Variants in ITFG2 observed in about 807,000 individuals in gnomAD.
The protein encoded by ITFG2 is KICSTOR complex protein ITFG2.
A neutral mutation model predicts 54.4 loss-of-function variants in ITFG2; 36 were observed. The observed-to-expected ratio is 0.66, with a 90% CI of 0.51 to 0.87. The LOEUF is 0.87. Ranked by LOEUF, ITFG2 falls within the 40% of genes least tolerant of loss-of-function variation. The probability of loss-of-function intolerance (pLI) is 0.00; values close to 1 mark genes in which losing one functional copy is unlikely to be tolerated. For synonymous variants in ITFG2, 211 were observed against 225.4 expected (o/e 0.94, Z 0.57); for missense variants, 524 against 576.7 (o/e 0.91, Z 0.94).
chr12:2,844,801 T>A (rs2098049694), intron 2 of ITFG2, among the ~76,000 whole-genome samples: 1 of 152,160 alleles, frequency 6.6e-6, no homozygotes, highest in South Asian at 2.1e-4. Context: ...AGTCACTGAC[T>A]ATTGTTTGGG....
rs1308357156 is a variant in ITFG2 at position 2,818,254 on chromosome 12, A to G, written c.383A>G (p.Lys128Arg). The change falls in exon 4 of 12, where the codon AAG becomes AGG. Residue 128 changes from lysine (K) to arginine (R), a missense_variant. Physicochemically the swap from Lys to Arg is conservative, Grantham distance 26. Coordinates refer to ENST00000228799, the MANE Select transcript of ITFG2 (RefSeq NM_018463.4). ...AAGCAGCACATCCCTGCCAACACCA[A>G]GGTCATGCTGATCAGCGACATCGGT... ...VFKQHIPANT[K>R]VMLISDIDGD... 7 of 1,613,676 alleles carry G rather than the reference A, an allele frequency of 4.3e-6. No homozygotes were observed. Among genetic ancestry groups the G allele is most frequent in the Non-Finnish European group, 5.9e-6 (7 of 1,180,042 alleles).
upstream of ITFG2, among the ~76,000 whole-genome samples, chr12:2,832,593 C>A (rs181515331): frequency 6.6e-6 from 1 of 151,992 alleles, no homozygotes; most frequent in Admixed American, 6.6e-5. Flanking sequence ...TCTTCATGCT[C>A]CTCTCTCCAT....
rs576869072 is a variant in ITFG2, at chr12:2,854,316, C to T, written n.301-3696C>T. On this transcript the variant is annotated intron_variant and non_coding_transcript_variant, in intron 2 of 3. Transcript: ENST00000537710. ...CTGGGATTACAGGCGTGAGCCACCA[C>T]GCCCTGCCATAACATCTAACTTTTG... Among the ~76,000 whole-genome samples the T allele has an allele frequency of 3.0e-4, 45 of 152,346 alleles. No homozygotes were observed. In the East Asian group the frequency reaches 7.0e-3, roughly 24 times the overall value.
At chr12:2,856,926 GTA>G (rs2098089164) in intron 2 of ITFG2, 1 of 702,900 alleles carries the variant, frequency 1.4e-6, no homozygotes, top group South Asian at 1.5e-5. Flanking sequence ...GTACAAAAAG[GTA>G]GGCGGCAGAG....
Position 2,822,988 on chromosome 12 carries a change from T to C in ITFG2, c.1066+77T>C. On this transcript the variant is annotated intron_variant, in intron 10 of 11. Transcript: ENST00000228799. The stretch of plus-strand genomic sequence containing the variant: ...GTGTTAGGCATGCCAGGGAAGTGTT[T>C]GCCCCTCACTTCCCTTTCTGACGTA... 2.8e-6 allele frequency: 3 copies of C among 1,054,814 alleles called. No homozygotes were observed. The Admixed American group carries it at 5.3e-5, about 19-fold the overall frequency. 65.3% of individuals were successfully genotyped at this position (1,054,814 alleles called of 1,614,324 possible).
chr12:2,821,922 T>C, intron 9 of ITFG2, 130 bp downstream of exon 9: 1 of 681,248 alleles, frequency 1.5e-6, no homozygotes, highest in Non-Finnish European at 2.4e-6. Context: ...TGTCTCTTTT[T>C]TTTTTTTCCT....
chr12:2,820,376 CAG>C lies in ITFG2; in HGVS notation c.546+152_546+153del, dbSNP rs2097939357. ...GAGAGATCCAAAGACCATTTCAAATCAGGGGCTTAGGGGAAATTGCTAGTAAC... is the reference window on the plus strand; with the variant it reads ...GAGAGATCCAAAGACCATTTCAAATCGGGCTTAGGGGAAATTGCTAGTAAC... On this transcript the variant is annotated intron_variant, in intron 5 of 11. Transcript: ENST00000228799. 1.3e-5 allele frequency: 13 copies of C among 1,028,392 alleles called. No individual in the cohort carries two copies. In the South Asian group the frequency reaches 2.1e-4, roughly 16 times the overall value. The allele number at this position is 1,028,392 out of a possible 1,614,324, so 63.7% of individuals were successfully genotyped here.
chr12:2,858,475 A>G, intron 3 of ITFG2: 1 of 610,888 alleles, frequency 1.6e-6, no homozygotes, highest in Non-Finnish European at 2.8e-6. Context: ...AGGTCCCAGC[A>G]GTGGCTAGGG....
chr12:2,823,234 T>C (rs1307008693), intron 10 of ITFG2, among the ~76,000 whole-genome samples: 1 of 152,260 alleles, frequency 6.6e-6, no homozygotes, highest in Admixed American at 6.5e-5. Flanking sequence ...AATGAGTTTC[T>C]GTCATCTGTC....
In ITFG2 at chr12:2,858,551, C is replaced by G. The variant is rs1005650594; in HGVS notation, n.620+220C>G. 2.5e-6 allele frequency: 3 copies of G among 1,176,982 alleles called. No individual in the cohort carries two copies. The East Asian group carries it at 7.3e-5, about 28-fold the overall frequency. 72.9% of individuals were successfully genotyped at this position (1,176,982 alleles called of 1,614,324 possible). ...TGAGGAGCAGAACAGTCCCTGCCTG[C>G]TGTCCTCACTCAGAGGCTTGGGGTG... On this transcript the variant is annotated intron_variant and non_coding_transcript_variant, in intron 3 of 3. Coordinates refer to the ITFG2 transcript ENST00000537710.
At chr12:2,853,598 T>G (rs113749705) in intron 2 of ITFG2, among the ~76,000 whole-genome samples, 37 of 148,096 alleles carry the variant, frequency 2.5e-4, no homozygotes, top group East Asian at 2.0e-3. Flanking sequence ...TGTTGTTGTT[T>G]TTGTTTTTGT....
chr12:2,838,511 G>A (rs571456157), intron 1 of ITFG2, among the ~76,000 whole-genome samples: 79 of 152,138 alleles, frequency 5.2e-4, no homozygotes, highest in African/African-American at 1.7e-3. Flanking sequence ...TGGAGACTTT[G>A]GAGTTTGGAG....
upstream of ITFG2, among the ~76,000 whole-genome samples, chr12:2,832,184 T>G (rs1205691195): frequency 6.6e-6 from 1 of 152,140 alleles, no homozygotes; most frequent in African/African-American, 2.4e-5. Flanking sequence ...CAGGTTAAAG[T>G]TTGAGAAGCA....
chr12:2,835,190 T>TGAGAGTGTGA (rs1555088490), upstream of ITFG2: 1 of 713,266 alleles, frequency 1.4e-6, no homozygotes, highest in African/African-American at 2.9e-5. Context: ...TGTGTGTGTG[T>TGAGAGTGTGA]GAGAGAGAGA....
In ITFG2 at chr12:2,824,145, A is replaced by G; in HGVS notation, c.1296A>G (p.Pro432=). 1 of 1,614,144 alleles carries G rather than the reference A, an allele frequency of 6.2e-7. No homozygotes were observed. The highest frequency in any genetic ancestry group is 8.5e-7 in the Non-Finnish European group (1 of 1,180,018). ...RALLHQTLYH[P]DQPPQCAPSS... ...TGCTTCACCAAACGCTCTACCATCC[A>G]GACCAGCCACCACAGTGTGCTCCCT... The change falls in exon 12 of 12, where the codon CCA becomes CCG. Residue 432 remains proline (P), a synonymous_variant. Transcript: ENST00000228799.
At chr12:2,817,458 A>G (rs950397899) in intron 2 of ITFG2, 140 bp downstream of exon 2, 23 of 619,430 alleles carry the variant, frequency 3.7e-5, no homozygotes, top group East Asian at 2.8e-4. Flanking sequence ...CTTGCAGCCA[A>G]TTTGATTCAG....
rs2097911652 is a variant in ITFG2, at chr12:2,812,693, G to A, written c.-68G>A. 6 of 1,390,328 alleles carry A rather than the reference G, an allele frequency of 4.3e-6. No individual in the cohort carries two copies. In the East Asian group the frequency reaches 9.3e-5, roughly 22 times the overall value. 86.1% of individuals were successfully genotyped at this position (1,390,328 alleles called of 1,614,324 possible). A position where few individuals can be genotyped will look rare whatever the true frequency, so the allele number is the denominator to read the frequency against. ...GCCTTAGGTGGCCTTCCGCTCTGGCGGCTGTCGCGACGGGGGTTCAGGGAA... is the reference window on the plus strand; with the variant it reads ...GCCTTAGGTGGCCTTCCGCTCTGGCAGCTGTCGCGACGGGGGTTCAGGGAA... On this transcript the variant is annotated 5_prime_UTR_variant, in exon 1 of 12. Transcript: ENST00000228799.
chr12:2,833,157 T>C (rs1265661453), upstream of ITFG2, among the ~76,000 whole-genome samples: 4 of 151,250 alleles, frequency 2.6e-5, no homozygotes, highest in Admixed American at 6.6e-5. Context: ...AGGGGAGAGG[T>C]GAAAAGCCCG....
intron 4 of ITFG2, among the ~76,000 whole-genome samples, chr12:2,819,153 A>AC (rs2097933440): frequency 1.3e-5 from 2 of 151,876 alleles, no homozygotes; most frequent in South Asian, 4.2e-4. Flanking sequence ...ACATAGTGAA[A>AC]CCCCGTCTCC....
Sources: gnomAD v4.1 joint callset for allele counts (sites outside exome capture counted in the v4.1 genomes callset) on GRCh38, gnomAD v4.1.1 for gene constraint, MANE v1.5 for transcripts, NCBI Gene and HGNC (gene_info 2026-07-23, HGNC 2026-07-21) for gene names.